Variants in SLC12A3 observed in about 807,000 individuals in gnomAD.
SLC12A3 encodes Na-Cl cotransporter.
A neutral mutation model predicts 121.0 loss-of-function variants in SLC12A3; 104 were observed. The observed-to-expected ratio is 0.86, with a 90% CI of 0.73 to 1.01. The LOEUF is 1.01. Ranked by LOEUF, SLC12A3 falls within the 50% of genes least tolerant of loss-of-function variation. SLC12A3 has a pLI of 0.00. For synonymous variants in SLC12A3, 536 were observed against 533.4 expected (o/e 1.00, Z -0.07); for missense variants, 1,328 against 1,356.3 (o/e 0.98, Z 0.33).
Position 56,902,372 on chromosome 16 carries a change from G to A in SLC12A3, c.2721-1G>A, listed in dbSNP as rs761242621. ...GCCTCAACCCACTTTCTCGTCCCCA[G>A]CACCAAGAGGTTTGAGGACATGATT... On this transcript the variant is annotated splice_acceptor_variant, in intron 23 of 25. Coordinates refer to ENST00000563236, the MANE Select transcript of SLC12A3 (RefSeq NM_001126108.2). LOFTEE classifies it high-confidence loss of function. The A allele has an allele frequency of 5.0e-6, 8 of 1,614,022 alleles. No individual in the cohort carries two copies. The Admixed American group carries it at 1.2e-4, about 24-fold the overall frequency.
At chr16:56,890,105 C>T (rs1184582592) in intron 18 of SLC12A3, among the ~76,000 whole-genome samples, 169 bp from the exon 19 acceptor site, 2 of 152,178 alleles carry the variant, frequency 1.3e-5, no homozygotes, top group East Asian at 1.9e-4. Flanking sequence ...TCCTGGGGTA[C>T]TCTCCAATTC....
At chr16:56,893,371 A>G (rs2055416178) in intron 21 of SLC12A3, among the ~76,000 whole-genome samples, 3 of 152,242 alleles carry the variant, frequency 2.0e-5, no homozygotes, top group Non-Finnish European at 4.4e-5. Flanking sequence ...TTCACTTCAC[A>G]ATGAAATATA....
Position 56,915,002 on chromosome 16 carries a change from A to G in SLC12A3, c.*1597A>G, listed in dbSNP as rs2055735023. 6.6e-6 allele frequency: 1 copy of G among 152,174 alleles called. No homozygotes were observed. The highest frequency in any genetic ancestry group is 2.1e-4 in the South Asian group (1 of 4,824). The allele number at this position is 152,174 out of a possible 1,614,324, so 9.4% of individuals were successfully genotyped here. A position where few individuals can be genotyped will look rare whatever the true frequency, so the allele number is the denominator to read the frequency against. On this transcript the variant is annotated 3_prime_UTR_variant, in exon 26 of 26. Coordinates refer to ENST00000563236, the MANE Select transcript of SLC12A3 (RefSeq NM_001126108.2). ...TGGGAGAGAAGCTAGGACAAGGGAG[A>G]TGGAGAAAGGACCTATACCTGGCTC...
intron 3 of SLC12A3, among the ~76,000 whole-genome samples, chr16:56,868,680 T>C (rs1964418388): frequency 6.6e-6 from 1 of 152,226 alleles, no homozygotes; most frequent in Non-Finnish European, 1.5e-5. Context: ...AGCTGCACTC[T>C]GGCCGGGCAC....
chr16:56,906,992 T>C (rs1481344549), intron 25 of SLC12A3: 1 of 227,634 alleles, frequency 4.4e-6, no homozygotes, highest in Non-Finnish European at 8.5e-6. Context: ...CCATTGTGGA[T>C]TTTTTACAAG....
In SLC12A3 at chr16:56,886,371, T is replaced by C; in HGVS notation, c.1933T>C (p.Cys645Arg). The C allele has an allele frequency of 6.2e-7, 1 of 1,613,332 alleles. No homozygotes were observed. ...TTTCCCTTCCCTCCTCAGCCCCCAG[T>C]GCCTGGTGCTCACGGGGCCCCCCAA... Reference protein sequence around the residue: ...EDHIKNYRPQCLVLTGPPNFR... With the variant: ...EDHIKNYRPQRLVLTGPPNFR... The change falls in exon 16 of 26, where the codon TGC becomes CGC. Residue 645 changes from cysteine to arginine, a missense_variant. Coordinates refer to ENST00000563236, the MANE Select transcript of SLC12A3 (RefSeq NM_001126108.2).
intron 12 of SLC12A3, among the ~76,000 whole-genome samples, chr16:56,881,048 G>T (rs377199747): frequency 6.6e-6 from 1 of 152,196 alleles, no homozygotes; most frequent in Non-Finnish European, 1.5e-5. Context: ...GGCAGAACTC[G>T]CGAGGAGAGA....
At chr16:56,886,880 G>T in intron 16 of SLC12A3, 73 bp from the exon 17 acceptor site, 1 of 1,602,552 alleles carries the variant, frequency 6.2e-7, no homozygotes, top group Non-Finnish European at 8.5e-7. Context: ...AGCCTCCAGG[G>T]CAGGAGAGGG....
chr16:56,892,009 G>C, intron 19 of SLC12A3, 74 bp from the exon 20 acceptor site: 1 of 1,093,838 alleles, frequency 9.1e-7, no homozygotes, highest in South Asian at 1.2e-5. Context: ...CATTAAGGGA[G>C]CCCTGTCAAG....
chr16:56,892,874 G>A, intron 20 of SLC12A3, 79 bp from the exon 21 acceptor site: 1 of 1,106,384 alleles, frequency 9.0e-7, no homozygotes, highest in East Asian at 2.5e-5. Context: ...ATCAGAAGGG[G>A]CGTTGGCGGG....
intron 11 of SLC12A3, 36 bp from the exon 12 acceptor site, chr16:56,880,094 C>A: frequency 1.3e-6 from 2 of 1,597,006 alleles, no homozygotes; most frequent in Non-Finnish European, 1.7e-6. Context: ...GTGGCAGGTC[C>A]CAGCCTAAGG....
chr16:56,901,879 G>A (rs2055543486), intron 23 of SLC12A3, among the ~76,000 whole-genome samples: 1 of 152,178 alleles, frequency 6.6e-6, no homozygotes, highest in Non-Finnish European at 1.5e-5. Context: ...GTTCAGTTCT[G>A]TTCGCTTCTG....
At chr16:56,885,644 T>G (rs138398672) in intron 15 of SLC12A3, among the ~76,000 whole-genome samples, 2 of 152,292 alleles carry the variant, frequency 1.3e-5, no homozygotes, top group South Asian at 2.1e-4. Flanking sequence ...GCAGCTCCCA[T>G]CACAGTATCG....
intron 6 of SLC12A3, among the ~76,000 whole-genome samples, chr16:56,871,454 C>T (rs368491080): frequency 6.6e-6 from 1 of 152,246 alleles, no homozygotes; most frequent in African/African-American, 2.4e-5. Flanking sequence ...TGCTGGCAGA[C>T]TCAGCCGGAC....
chr16:56,897,510 C>T (rs1487664461), intron 22 of SLC12A3, among the ~76,000 whole-genome samples: 1 of 152,192 alleles, frequency 6.6e-6, no homozygotes, highest in Non-Finnish European at 1.5e-5. Context: ...ATCACTTTGT[C>T]CTCACCCCCA....
chr16:56,869,838 C>G lies in SLC12A3; in HGVS notation c.601+14C>G. ...AGGTCAAGTCAGGTGGGCCATCCCC[C>G]TTTCCACCAAGGCCCTCCTCTCGTG... is the stretch of plus-strand genomic sequence containing the variant. On this transcript the variant is annotated intron_variant, in intron 4 of 25. Coordinates refer to ENST00000563236, the MANE Select transcript of SLC12A3 (RefSeq NM_001126108.2). 2 of 1,610,378 alleles carry G rather than the reference C, an allele frequency of 1.2e-6. No homozygotes were observed. The highest frequency in any genetic ancestry group is 1.7e-6 in the Non-Finnish European group (2 of 1,176,684).
chr16:56,901,801 T>C (rs2055542725), intron 23 of SLC12A3, among the ~76,000 whole-genome samples: 1 of 152,196 alleles, frequency 6.6e-6, no homozygotes, highest in Non-Finnish European at 1.5e-5. Flanking sequence ...CTCACCTTGC[T>C]CCAGCACACA....
chr16:56,866,488 C>T (rs530705213), intron 1 of SLC12A3, among the ~76,000 whole-genome samples: 3 of 152,200 alleles, frequency 2.0e-5, no homozygotes, highest in Non-Finnish European at 4.4e-5. Context: ...TTTCAAGACC[C>T]AGCCCTCCAG....
At chr16:56,878,258 G>A (rs1434985653) in intron 9 of SLC12A3, 97 bp downstream of exon 9, 1 of 942,946 alleles carries the variant, frequency 1.1e-6, no homozygotes, top group Non-Finnish European at 1.7e-6. Context: ...CAGAGGGTGG[G>A]GTTCGACTCT....
Sources: gnomAD v4.1 joint callset for allele counts (sites outside exome capture counted in the v4.1 genomes callset) on GRCh38, gnomAD v4.1.1 for gene constraint, MANE v1.5 for transcripts, NCBI Gene and HGNC (gene_info 2026-07-23, HGNC 2026-07-21) for gene names.